The following NRCAM variants were observed in gnomAD, a reference collection of about 807,000 sequenced individuals.
NRCAM encodes the protein neuronal cell adhesion molecule.
NRCAM carries 83 observed loss-of-function variants against 156.5 expected under a neutral mutation model. The ratio of observed to expected loss-of-function variants is 0.53; its 90% CI spans 0.44 to 0.64. The LOEUF is 0.64. NRCAM is among the 30% of genes least tolerant of loss of function. The pLI, the probability that NRCAM is intolerant of heterozygous loss-of-function variation, is 0.00. For missense variants in NRCAM, 1,417 were observed against 1,597.3 expected (o/e 0.89, Z 1.92); for synonymous variants, 538 against 563.9 (o/e 0.95, Z 0.65).
intron 2 of NRCAM, among the ~76,000 whole-genome samples, chr7:108,327,645 T>C (rs2099083473): frequency 6.6e-6 from 1 of 152,174 alleles, no homozygotes; most frequent in African/African-American, 2.4e-5. Flanking sequence ...ATCTTACAGA[T>C]GGTCTTTGAA....
intron 28 of NRCAM, among the ~76,000 whole-genome samples, chr7:108,169,165 G>A (rs1301326981): frequency 6.6e-6 from 1 of 152,162 alleles, no homozygotes; most frequent in South Asian, 2.1e-4. Flanking sequence ...AAATCATAGT[G>A]CAACCTAAAT....
intron 30 of NRCAM, among the ~76,000 whole-genome samples, chr7:108,160,996 A>C (rs939616697): frequency 3.3e-5 from 5 of 152,240 alleles, no homozygotes; most frequent in Admixed American, 3.3e-4. Context: ...CTGTTAAAAA[A>C]GAAAACGGTC....
At chr7:108,406,266 T>A (rs1270106383) in intron 1 of NRCAM, among the ~76,000 whole-genome samples, 4 of 152,028 alleles carry the variant, frequency 2.6e-5, no homozygotes, top group Non-Finnish European at 5.9e-5. Flanking sequence ...AAAAGCAAGA[T>A]GAGAAGTGAT....
At position 108,182,717 on chromosome 7, in the gene NRCAM, G is replaced by T. The variant is rs529199050; in HGVS notation, c.2508C>A (p.Val836=). ...TACGGTCTTCTCCAGAATGTCCCAT[G>T]ACTACAGCTGGCTCGGGGGCAAACC... ...DMGFAPEPAV[V]MGHSGEDLPM... is the part of the protein sequence containing the mutation. The change falls in exon 23 of 33, where the codon GTC becomes GTA. Residue 836 remains valine, a synonymous_variant. Transcript: ENST00000379028. 3 of 1,614,174 alleles carry T rather than the reference G, an allele frequency of 1.9e-6. No individual in the cohort carries two copies. In the African/African-American group the frequency reaches 4.0e-5, roughly 22 times the overall value.
At chr7:108,158,182 C>A (rs2046682899) in intron 32 of NRCAM, among the ~76,000 whole-genome samples, 1 of 152,078 alleles carries the variant, frequency 6.6e-6, no homozygotes, top group African/African-American at 2.4e-5. Context: ...GGTTTTCATA[C>A]ACCTTCAGCT....
intron 2 of NRCAM, among the ~76,000 whole-genome samples, chr7:108,320,550 CAAA>C (rs895875949): frequency 7.2e-6 from 1 of 138,742 alleles, no homozygotes. Flanking sequence ...GCAAGACTGT[CAAA>C]AAAAAAAAGA....
At chr7:108,216,123 C>G (rs551683770) in intron 11 of NRCAM, among the ~76,000 whole-genome samples, 73 of 152,304 alleles carry the variant, frequency 4.8e-4, no homozygotes, top group Non-Finnish European at 9.6e-4. Flanking sequence ...CAAAACCCCT[C>G]AGGATTTGCT....
In NRCAM at chr7:108,362,973, T is replaced by G. The variant is rs544341555; in HGVS notation, c.-174+36463A>C. Among the ~76,000 whole-genome samples the G allele has an allele frequency of 6.6e-5, 10 of 152,224 alleles. 1 individual carries two copies. The South Asian group carries it at 1.0e-3, about 16-fold the overall frequency. On this transcript the variant is annotated intron_variant, in intron 2 of 32. Transcript: ENST00000379028. ...GAATTGGGGCAGGAAATGTGCAAGATGAGCCTGGAGCATCTTAAGAACTTG... is the reference window on the plus strand; with the variant it reads ...GAATTGGGGCAGGAAATGTGCAAGAGGAGCCTGGAGCATCTTAAGAACTTG...
At chr7:108,305,416 GT>G (rs879396483) in intron 3 of NRCAM, among the ~76,000 whole-genome samples, 1 of 151,852 alleles carries the variant, frequency 6.6e-6, no homozygotes. Context: ...TCAGTTTTTT[GT>G]TTTTTTGTTT....
intron 2 of NRCAM, among the ~76,000 whole-genome samples, chr7:108,338,462 TAC>T (rs1228394227): frequency 6.6e-5 from 10 of 152,128 alleles, no homozygotes; most frequent in Non-Finnish European, 1.0e-4. Flanking sequence ...GATTTAGGTA[TAC>T]AGTTCTCGAC....
intron 30 of NRCAM, among the ~76,000 whole-genome samples, chr7:108,161,841 A>T (rs1289514427): frequency 6.6e-6 from 1 of 152,252 alleles, no homozygotes; most frequent in East Asian, 1.9e-4. Context: ...CCTTATTTGA[A>T]ATACAAGTCA....
chr7:108,407,360 A>C (rs1465176139), intron 1 of NRCAM, among the ~76,000 whole-genome samples: 1 of 152,170 alleles, frequency 6.6e-6, no homozygotes, highest in Non-Finnish European at 1.5e-5. Flanking sequence ...GACTTTTTAT[A>C]TGATTTTTTT....
chr7:108,256,881 C>A (rs1445677516), intron 3 of NRCAM, among the ~76,000 whole-genome samples: 2 of 151,660 alleles, frequency 1.3e-5, no homozygotes, highest in Non-Finnish European at 1.5e-5. Flanking sequence ...TGGTAGTGCA[C>A]GCCTATAATC....
intron 1 of NRCAM, among the ~76,000 whole-genome samples, chr7:108,452,258 A>T (rs1395149285): frequency 6.6e-6 from 1 of 152,242 alleles, no homozygotes; most frequent in Non-Finnish European, 1.5e-5. Flanking sequence ...TTCTCACCAC[A>T]CATACACAAA....
Position 108,177,990 on chromosome 7 carries a change from T to A in NRCAM, c.2974A>T (p.Ile992Phe). 1 of 1,601,680 alleles carries A rather than the reference T, an allele frequency of 6.2e-7. No individual in the cohort carries two copies. Among genetic ancestry groups the A allele is most frequent in the Non-Finnish European group, 8.5e-7 (1 of 1,174,522 alleles). The change falls in exon 26 of 33, where the codon ATT becomes TTT. Residue 992 changes from isoleucine to phenylalanine, a missense_variant and splice_region_variant. Ile to Phe is a conservative substitution (Grantham distance 21, BLOSUM62 0). Transcript: ENST00000379028. ...CCTTCTCTTCCTCCCAACAGCTTACTTGGCTGATACTTTAAGGTGTACTCT... is the reference window on the plus strand; with the variant it reads ...CCTTCTCTTCCTCCCAACAGCTTACATGGCTGATACTTTAAGGTGTACTCT... The part of the protein sequence containing the change: ...LTEYTLKYQP[I>F]NSTHELGPLV...
intron 32 of NRCAM, among the ~76,000 whole-genome samples, chr7:108,151,465 A>G (rs2041602319): frequency 6.6e-6 from 1 of 152,152 alleles, no homozygotes; most frequent in Non-Finnish European, 1.5e-5. Flanking sequence ...ATGCACAAGT[A>G]TCCTGGCTCT....
intron 1 of NRCAM, among the ~76,000 whole-genome samples, chr7:108,438,463 T>TA (rs922158729): frequency 2.5e-4 from 38 of 152,080 alleles, no homozygotes; most frequent in African/African-American, 4.3e-4. Context: ...CCTTTCATGA[T>TA]AAAAAAAATC....
rs371828076 is a variant in NRCAM at position 108,271,524 on chromosome 7, T to C, written c.-106-31354A>G. 1.7e-3 allele frequency among the ~76,000 whole-genome samples: 252 copies of C among 151,962 alleles called. 2 individuals carry two copies. The highest frequency in any genetic ancestry group is 5.9e-3 in the African/African-American group (244 of 41,440). Reference sequence around the variant, plus strand: ...ACCAGCCTAGCCAACATGGTGAAACTCTCTACTAAAAATACAAAATTAGCC... The same window carrying C: ...ACCAGCCTAGCCAACATGGTGAAACCCTCTACTAAAAATACAAAATTAGCC... On this transcript the variant is annotated intron_variant, in intron 3 of 32. Coordinates refer to ENST00000379028, the MANE Select transcript of NRCAM (RefSeq NM_001037132.4).
Position 108,271,162 on chromosome 7 carries a change from T to C in NRCAM, c.-106-30992A>G, listed in dbSNP as rs1157672455. ...TTATGTTATGCATATTTTACCACAA[T>C]AAAGATCAAACAGCTACCAGCAAGA... is the stretch of plus-strand genomic sequence containing the variant. On this transcript the variant is annotated intron_variant, in intron 3 of 32. Transcript: ENST00000379028. Among the ~76,000 whole-genome samples, 12 of 152,166 alleles carry C rather than the reference T, an allele frequency of 7.9e-5. No individual in the cohort carries two copies. In the East Asian group the frequency reaches 2.3e-3, roughly 29 times the overall value.
Sources: gnomAD v4.1 joint callset for allele counts (sites outside exome capture counted in the v4.1 genomes callset) on GRCh38, gnomAD v4.1.1 for gene constraint, MANE v1.5 for transcripts, NCBI Gene and HGNC (gene_info 2026-07-23, HGNC 2026-07-21) for gene names.